Variants in BMX observed in about 807,000 individuals in gnomAD.
BMX encodes the protein cytoplasmic tyrosine-protein kinase BMX.
BMX carries 31 observed loss-of-function variants against 59.2 expected under a neutral mutation model. The ratio of observed to expected loss-of-function variants is 0.52; its 90% CI spans 0.39 to 0.71. The LOEUF (loss-of-function observed/expected upper bound fraction) is 0.71. BMX is among the 30% of genes least tolerant of loss of function. The probability of loss-of-function intolerance (pLI) is 0.00; values close to 1 mark genes in which losing one functional copy is unlikely to be tolerated. For synonymous variants in BMX, 185 were observed against 181.0 expected, an observed-to-expected ratio of 1.02 and a Z score of -0.18; for missense variants, 474 against 491.7, an observed-to-expected ratio of 0.96 and a Z score of 0.34.
intron 4 of BMX, among the ~76,000 whole-genome samples, chrX:15,514,305 C>T (rs147549649): frequency 3.4e-3 from 381 of 111,972 alleles, no homozygotes; most frequent in African/African-American, 0.012. Flanking sequence ...TTTTTTAATG[C>T]CAGCATTTTC....
intron 7 of BMX, 79 bp downstream of exon 7, chrX:15,522,666 G>T: frequency 1.7e-6 from 2 of 1,154,258 alleles, no homozygotes; most frequent in Non-Finnish European, 2.3e-6. Flanking sequence ...CAGCCTCAAA[G>T]CTGTTGATCC....
At chrX:15,543,047 G>A (rs750212677) in intron 15 of BMX, 24 bp from the exon 16 acceptor site, 50 of 1,190,613 alleles carry the variant, frequency 4.2e-5, no homozygotes, top group Non-Finnish European at 5.6e-5. Flanking sequence ...TTCACTACTT[G>A]GTGATTTTGT....
At position 15,503,550 on chromosome X, in the gene BMX, C is replaced by A. The variant is rs183380479; in HGVS notation, c.-10+2610C>A. ...GCTCCCAGGGCCATGCCTCTTAGGT[C>A]ACTGGTTAACAGTACTGGCTAAGTC... On this transcript the variant is annotated intron_variant, in intron 1 of 18. Transcript: ENST00000348343. Among the ~76,000 whole-genome samples, 52 of 112,183 alleles carry A rather than the reference C, an allele frequency of 4.6e-4. 1 individual carries two copies. The highest frequency in any genetic ancestry group is 4.3e-3 in the Admixed American group (45 of 10,588).
intron 14 of BMX, among the ~76,000 whole-genome samples, chrX:15,538,205 C>G (rs1220527916): frequency 9.2e-6 from 1 of 108,237 alleles, no homozygotes; most frequent in Non-Finnish European, 1.9e-5. Context: ...CTCTCCTTCT[C>G]TCTCTCTCTC....
Position 15,540,917 on chromosome X carries a change from C to T in BMX, c.1395-1065C>T, listed in dbSNP as rs142852971. Among the ~76,000 whole-genome samples the T allele has an allele frequency of 2.8e-3, 305 of 110,572 alleles. 2 individuals are homozygous for T. The highest frequency in any genetic ancestry group is 9.5e-3 in the African/African-American group (289 of 30,386). On this transcript the variant is annotated intron_variant, in intron 14 of 18. Transcript: ENST00000348343. ...ACTTTCAAAAGGCTTTATGCTTAAC[C>T]GTGAAGACAGTAAAGAGAGTAAAGC...
intron 16 of BMX, among the ~76,000 whole-genome samples, chrX:15,543,420 A>AT (rs1464995946): frequency 9.0e-6 from 1 of 110,984 alleles, no homozygotes; most frequent in Non-Finnish European, 1.9e-5. Flanking sequence ...TTTCTTTTAA[A>AT]TTTTTTTATT....
At chrX:15,519,213 G>A (rs886374635) in intron 6 of BMX, among the ~76,000 whole-genome samples, 6 of 111,459 alleles carry the variant, frequency 5.4e-5, no homozygotes, top group South Asian at 3.8e-4. Context: ...GGACATCTCC[G>A]CCCATCTATT....
intron 4 of BMX, 95 bp from the exon 5 acceptor site, chrX:15,516,017 G>T: frequency 8.9e-7 from 1 of 1,121,482 alleles, no homozygotes; most frequent in African/African-American, 1.8e-5. Context: ...GCCAAATGGG[G>T]TTTTTATTGT....
intron 9 of BMX, among the ~76,000 whole-genome samples, chrX:15,527,106 T>A (rs1281151783): frequency 2.0e-5 from 2 of 101,332 alleles, no homozygotes; most frequent in Non-Finnish European, 4.0e-5. Context: ...AAATATTTCA[T>A]GTACCCCATA....
At chrX:15,507,391 C>G in intron 1 of BMX, 2 of 751,738 alleles carry the variant, frequency 2.7e-6, no homozygotes, top group Non-Finnish European at 3.1e-6. Context: ...ATGTATACTT[C>G]GGCTCTAGCG....
intron 9 of BMX, among the ~76,000 whole-genome samples, chrX:15,526,811 C>A (rs1329468986): frequency 1.8e-5 from 2 of 110,284 alleles, no homozygotes; most frequent in African/African-American, 6.6e-5. Flanking sequence ...GTCTTGAACT[C>A]CTGACCTCAG....
At chrX:15,532,880 T>A (rs745849977) in intron 11 of BMX, among the ~76,000 whole-genome samples, 1 of 112,615 alleles carries the variant, frequency 8.9e-6, no homozygotes, top group South Asian at 3.6e-4. Flanking sequence ...AGGAGAAGAC[T>A]TTGTTGACTA....
At chrX:15,502,354 G>A (rs1376112164) in intron 1 of BMX, among the ~76,000 whole-genome samples, 1 of 111,751 alleles carries the variant, frequency 8.9e-6, no homozygotes, top group Non-Finnish European at 1.9e-5. Context: ...CAGAGAGAGT[G>A]CCCTAAGCAG....
At chrX:15,527,247 A>AATATAT (rs34046926) in intron 9 of BMX, among the ~76,000 whole-genome samples, 83 of 56,254 alleles carry the variant, frequency 1.5e-3, no homozygotes, top group South Asian at 2.3e-3. Context: ...CACACACACA[A>AATATAT]ATATATATAT....
At chrX:15,513,900 G>C (rs1924052816) in intron 4 of BMX, among the ~76,000 whole-genome samples, 1 of 111,727 alleles carries the variant, frequency 9.0e-6, no homozygotes, top group Admixed American at 9.5e-5. Context: ...TCTGTGAGAG[G>C]TGTAATAACA....
intron 1 of BMX, among the ~76,000 whole-genome samples, chrX:15,503,678 G>T (rs1394970389): frequency 1.8e-5 from 2 of 112,132 alleles, no homozygotes; most frequent in Admixed American, 1.9e-4. Flanking sequence ...GGTTAGAGCA[G>T]TCTCTGGTTT....
At chrX:15,503,726 T>C (rs900842179) in intron 1 of BMX, among the ~76,000 whole-genome samples, 2 of 112,342 alleles carry the variant, frequency 1.8e-5, no homozygotes, top group Non-Finnish European at 3.8e-5. Flanking sequence ...TCTCTAGCAT[T>C]AGTAGCGTGG....
intron 9 of BMX, among the ~76,000 whole-genome samples, chrX:15,526,690 A>G (rs1385493029): frequency 4.6e-5 from 5 of 107,880 alleles, no homozygotes; most frequent in Non-Finnish European, 9.6e-5. Flanking sequence ...GGTTCAAGCA[A>G]TTCTCCTACC....
At position 15,534,207 on chromosome X, in the gene BMX, A is replaced by G; in HGVS notation, c.1020-5A>G. ...TAAATGTTCTAACATTCTTTCTGTT[A>G]CTAGTGATAAAAAAGGAACTGTCAA... On this transcript the variant is annotated splice_polypyrimidine_tract_variant and splice_region_variant and intron_variant, in intron 11 of 18. Transcript: ENST00000348343. The G allele has an allele frequency of 8.7e-7, 1 of 1,148,272 alleles. No individual in the cohort carries two copies. Among genetic ancestry groups the G allele is most frequent in the Non-Finnish European group, 1.2e-6 (1 of 858,062 alleles). 94.6% of individuals were successfully genotyped at this position (1,148,272 alleles called of 1,213,427 possible). A position where few individuals can be genotyped will look rare whatever the true frequency, so the allele number is the denominator to read the frequency against.
Sources: gnomAD v4.1 joint callset for allele counts (sites outside exome capture counted in the v4.1 genomes callset) on GRCh38, gnomAD v4.1.1 for gene constraint, MANE v1.5 for transcripts, NCBI Gene and HGNC (gene_info 2026-07-23, HGNC 2026-07-21) for gene names.